SNX18: variants seen among roughly 807,000 people sequenced by gnomAD.
SNX18 encodes the protein sorting nexin 18, also known as sorting nexin-18.
Under a neutral mutation model 48.7 loss-of-function variants are expected in SNX18, and 35 were observed. The ratio of observed to expected loss-of-function variants is 0.72; its 90% confidence interval spans 0.55 to 0.95. The LOEUF (loss-of-function observed/expected upper bound fraction) is 0.95. Among genes scored for constraint, SNX18 ranks in the 40% least tolerant of loss-of-function variants. SNX18 has a pLI of 0.00. For missense variants in SNX18, 824 were observed against 871.0 expected (o/e 0.95, Z 0.68); for synonymous variants, 492 against 384.7 (o/e 1.28, Z -3.26).
the SNX18 span, chr5:54,643,728 C>T: frequency 1.3e-5 from 2 of 152,194 alleles, no homozygotes; most frequent in South Asian, 2.1e-4. Flanking sequence ...CTGTCTTCCA[C>T]GTCATGACTC....
intron 1 of SNX18, among the ~76,000 whole-genome samples, chr5:54,542,378 A>G (rs1228569771): frequency 6.6e-6 from 1 of 152,198 alleles, no homozygotes; most frequent in East Asian, 1.9e-4. Flanking sequence ...TCATTAGGGC[A>G]GAGTTAACAC....
intron 1 of SNX18, among the ~76,000 whole-genome samples, chr5:54,524,547 T>C (rs1437332625): frequency 6.6e-6 from 1 of 152,248 alleles, no homozygotes; most frequent in Non-Finnish European, 1.5e-5. Flanking sequence ...CTATTTAATA[T>C]GTTCCTTCTC....
the SNX18 span, among the ~76,000 whole-genome samples, chr5:54,602,259 C>G: frequency 1.3e-5 from 2 of 152,066 alleles, no homozygotes; most frequent in African/African-American, 4.8e-5. Flanking sequence ...TCACACAGGC[C>G]GCATAATATG....
At chr5:54,595,441 T>A in the SNX18 span, among the ~76,000 whole-genome samples, 57 of 152,238 alleles carry the variant, frequency 3.7e-4, no homozygotes, top group African/African-American at 1.3e-3. Flanking sequence ...TTCACCATAT[T>A]GGCCAGGCTG....
chr5:54,570,622 C>T, the SNX18 span, among the ~76,000 whole-genome samples: 2 of 152,194 alleles, frequency 1.3e-5, no homozygotes, highest in African/African-American at 2.4e-5. Context: ...TCCTTTGTTT[C>T]CTCCACAGAG....
the SNX18 span, among the ~76,000 whole-genome samples, chr5:54,585,284 T>C: frequency 7.0e-6 from 1 of 143,716 alleles, no homozygotes; most frequent in East Asian, 2.0e-4. Context: ...AGAGTGAGAC[T>C]CTGTCCCAAA....
At chr5:54,576,485 T>C in the SNX18 span, among the ~76,000 whole-genome samples, 29 of 152,196 alleles carry the variant, frequency 1.9e-4, no homozygotes, top group Non-Finnish European at 3.8e-4. Flanking sequence ...CTGAAGTACA[T>C]AGTTGGGTTG....
At chr5:54,635,351 A>G in the SNX18 span, among the ~76,000 whole-genome samples, 1 of 152,240 alleles carries the variant, frequency 6.6e-6, no homozygotes, top group East Asian at 1.9e-4. Flanking sequence ...AAGGGAAAAT[A>G]TAAGAAAATT....
At chr5:54,627,972 G>A in the SNX18 span, among the ~76,000 whole-genome samples, 1 of 152,104 alleles carries the variant, frequency 6.6e-6, no homozygotes, top group Non-Finnish European at 1.5e-5. Context: ...GCCTACATCT[G>A]GGTTCATAGG....
In SNX18 at chr5:54,518,853, G is replaced by C. The variant is rs770604470; in HGVS notation, c.901G>C (p.Val301Leu). Residue 301 changes from valine to leucine, a missense_variant, in exon 1 of 2, where the codon GTG becomes CTG. Transcript: ENST00000381410. Reference protein sequence around the residue: ...GMKSYISYKLVPTHTQVPVHR... With the variant: ...GMKSYISYKLLPTHTQVPVHR... The stretch of plus-strand genomic sequence containing the variant: ...GAAGAGCTACATCTCCTACAAGCTG[G>C]TGCCCACGCACACGCAGGTGCCGGT... 73 of 1,612,530 alleles carry C rather than the reference G, an allele frequency of 4.5e-5. No homozygotes were observed. Among genetic ancestry groups the C allele is most frequent in the Non-Finnish European group, 6.1e-5 (72 of 1,179,156 alleles).
the SNX18 span, among the ~76,000 whole-genome samples, chr5:54,597,026 C>A: frequency 3.1e-4 from 47 of 152,228 alleles, no homozygotes; most frequent in African/African-American, 1.0e-3. Context: ...CATGCAAGGG[C>A]ACACATTGAC....
rs1762545465 is a variant in SNX18, at chr5:54,544,660, C to A, written c.*1228C>A. 1 of 118,378 alleles carries A rather than the reference C, an allele frequency of 8.4e-6. No individual in the cohort carries two copies. The highest frequency in any genetic ancestry group is 9.7e-5 in the Admixed American group (1 of 10,266). The allele number at this position is 118,378 out of a possible 1,614,324, so 7.3% of individuals were successfully genotyped here. A position where few individuals can be genotyped will look rare whatever the true frequency, so the allele number is the denominator to read the frequency against. On this transcript the variant is annotated 3_prime_UTR_variant, in exon 2 of 2. Transcript: ENST00000381410. ...GCCCCCCCCCCCCAGGACATTTAAC[C>A]TTAAAATTTATTTTAAATGTATTCT...
chr5:54,605,847 A>G, the SNX18 span, among the ~76,000 whole-genome samples: 4 of 152,050 alleles, frequency 2.6e-5, no homozygotes, highest in Non-Finnish European at 5.9e-5. Context: ...TTTTTTTTGT[A>G]GAGACAGGGT....
chr5:54,639,726 C>T, the SNX18 span, among the ~76,000 whole-genome samples: 1 of 152,288 alleles, frequency 6.6e-6, no homozygotes, highest in Admixed American at 6.5e-5. Flanking sequence ...CAAGCTTTGT[C>T]TTGAAGAAAC....
chr5:54,551,074 A>C (rs1242131796), downstream of SNX18, among the ~76,000 whole-genome samples: 2 of 150,620 alleles, frequency 1.3e-5, no homozygotes, highest in African/African-American at 4.9e-5. Flanking sequence ...TGACAAGGGG[A>C]CTAGCAAAAA....
At chr5:54,534,853 T>TGG (rs1462276774) in intron 1 of SNX18, among the ~76,000 whole-genome samples, 1 of 152,168 alleles carries the variant, frequency 6.6e-6, no homozygotes, top group Non-Finnish European at 1.5e-5. Context: ...TATGTGCTCA[T>TGG]GGGCTACATG....
In SNX18 at chr5:54,546,109, A is replaced by G. The variant is rs1304287926; in HGVS notation, c.*2677A>G. 1 of 152,208 alleles carries G rather than the reference A, an allele frequency of 6.6e-6. No homozygotes were observed. Among genetic ancestry groups the G allele is most frequent in the African/African-American group, 2.4e-5 (1 of 41,464 alleles). 9.4% of individuals were successfully genotyped at this position (152,208 alleles called of 1,614,324 possible). On this transcript the variant is annotated 3_prime_UTR_variant, in exon 2 of 2. Transcript: ENST00000381410. ...ATGAGGGAACGCATTCAAAAGTGAA[A>G]TGTAAAGCCAGTGCACGAATATTAT...
intron 1 of SNX18, among the ~76,000 whole-genome samples, chr5:54,521,827 C>T (rs960427125): frequency 2.0e-5 from 3 of 152,142 alleles, no homozygotes; most frequent in Admixed American, 6.5e-5. Flanking sequence ...CTCAGCCTCC[C>T]GAAGTGCTGG....
chr5:54,613,396 G>C, the SNX18 span, among the ~76,000 whole-genome samples: 1 of 152,110 alleles, frequency 6.6e-6, no homozygotes, highest in Non-Finnish European at 1.5e-5. Context: ...ACGCACATGA[G>C]AGAAAGAGGG....
Sources: allele counts gnomAD v4.1 joint callset (sites outside exome capture counted in the v4.1 genomes callset), GRCh38; gene constraint gnomAD v4.1.1; transcripts MANE v1.5; gene names NCBI Gene and HGNC (gene_info 2026-07-23, HGNC 2026-07-21).